SCAF8: variants seen among roughly 807,000 people sequenced by gnomAD.
SCAF8 encodes SR-related CTD associated factor 8, also known as SR-related and CTD-associated factor 8.
A neutral mutation model predicts 140.5 loss-of-function variants in SCAF8; 23 were observed. The ratio of observed to expected loss-of-function variants is 0.16; its 90% confidence interval spans 0.12 to 0.23. The LOEUF is 0.23. SCAF8 is among the 10% of genes least tolerant of loss of function. SCAF8 has a pLI of 1.00. For synonymous variants in SCAF8, 575 were observed against 528.9 expected (o/e 1.09, Z -1.20); for missense variants, 1,397 against 1,555.7 (o/e 0.90, Z 1.72).
chr6:154,754,686 G>A (rs1196209773), intron 1 of SCAF8, among the ~76,000 whole-genome samples: 1 of 152,096 alleles, frequency 6.6e-6, no homozygotes, highest in Non-Finnish European at 1.5e-5. Context: ...TCAAATTTTT[G>A]TGTTGGTTAG....
chr6:154,786,006 G>C (rs1367734466), intron 3 of SCAF8, among the ~76,000 whole-genome samples: 4 of 152,224 alleles, frequency 2.6e-5, no homozygotes. Flanking sequence ...TGCCCAGTGG[G>C]TTCACCTTGC....
chr6:154,823,558 T>C (rs1289876891), intron 16 of SCAF8, among the ~76,000 whole-genome samples: 4 of 152,148 alleles, frequency 2.6e-5, no homozygotes, highest in Admixed American at 2.6e-4. Flanking sequence ...GGGGTTATTA[T>C]GAGCAAAAGC....
chr6:154,833,256 C>T lies in SCAF8; in HGVS notation c.3677C>T (p.Pro1226Leu). Residue 1226 changes from proline to leucine, a missense_variant, in exon 20 of 20, where the codon CCA becomes CTA. Transcript: ENST00000367178. The stretch of plus-strand genomic sequence containing the variant: ...AATACAGAGAGACATGCTCAGCCAC[C>T]ACCTATACCAGTACAGAATGATCCT... ...GENTERHAQP[P>L]PIPVQNDPEL... The T allele has an allele frequency of 2.5e-6, 4 of 1,613,966 alleles. No homozygotes were observed. The highest frequency in any genetic ancestry group is 3.4e-6 in the Non-Finnish European group (4 of 1,179,984).
chr6:154,734,315 A>G (rs1054364593), intron 1 of SCAF8, among the ~76,000 whole-genome samples: 5 of 152,158 alleles, frequency 3.3e-5, no homozygotes, highest in Non-Finnish European at 7.4e-5. Context: ...GACGCTGGAC[A>G]TGACTCTCCA....
intron 6 of SCAF8, among the ~76,000 whole-genome samples, chr6:154,801,230 C>T (rs1200065080): frequency 3.3e-5 from 5 of 151,456 alleles, no homozygotes; most frequent in African/African-American, 1.2e-4. Context: ...ACTTTACTGT[C>T]ATCTTACATA....
chr6:154,816,507 T>G (rs2114664925), intron 13 of SCAF8, among the ~76,000 whole-genome samples: 1 of 102,788 alleles, frequency 9.7e-6, no homozygotes, highest in South Asian at 3.6e-4. Context: ...ATTTAAAAAT[T>G]ACGTGCTGTC....
At chr6:154,752,503 T>C (rs946319709) in intron 1 of SCAF8, among the ~76,000 whole-genome samples, 1 of 152,152 alleles carries the variant, frequency 6.6e-6, no homozygotes, top group Non-Finnish European at 1.5e-5. Flanking sequence ...TTTTTTTTTT[T>C]ATTTAAGAGG....
chr6:154,798,109 A>T (rs1312361441), intron 6 of SCAF8, among the ~76,000 whole-genome samples: 2 of 151,492 alleles, frequency 1.3e-5, no homozygotes, highest in Non-Finnish European at 3.0e-5. Context: ...AGTATACAAG[A>T]CGAGCAAGAA....
At chr6:154,770,388 A>ACACACTCTCTCTCTCTCTCT (rs1384942827) in intron 1 of SCAF8, among the ~76,000 whole-genome samples, 5 of 141,918 alleles carry the variant, frequency 3.5e-5, no homozygotes, top group Admixed American at 7.0e-5. Flanking sequence ...ACACACACAC[A>ACACACTCTCTCTCTCTCTCT]CTCTCTCTCT....
chr6:154,766,669 C>CCT (rs1554258917), intron 1 of SCAF8, among the ~76,000 whole-genome samples: 1,898 of 82,198 alleles, frequency 0.023, 100 homozygotes, highest in African/African-American at 0.09. Flanking sequence ...ACCCCCCCCC[C>CCT]TTTTTTTTTT....
intron 9 of SCAF8, 55 bp downstream of exon 9, chr6:154,805,541 T>C (rs1390880807): frequency 3.0e-6 from 3 of 996,754 alleles, no homozygotes; most frequent in Non-Finnish European, 4.4e-6. Context: ...ATTCTATAAA[T>C]TGGCATTTTT....
intron 12 of SCAF8, among the ~76,000 whole-genome samples, chr6:154,811,973 A>C (rs116817575): frequency 3.2e-4 from 48 of 152,208 alleles, no homozygotes; most frequent in African/African-American, 1.1e-3. Flanking sequence ...AATCTTTGCT[A>C]CTGTGAGTAG....
At chr6:154,781,254 A>G (rs978210796) in intron 3 of SCAF8, among the ~76,000 whole-genome samples, 2 of 152,206 alleles carry the variant, frequency 1.3e-5, no homozygotes, top group Non-Finnish European at 2.9e-5. Context: ...TACAAAGAGA[A>G]TAAAATACCT....
chr6:154,738,208 A>C (rs971274676), intron 1 of SCAF8, among the ~76,000 whole-genome samples: 1 of 151,804 alleles, frequency 6.6e-6, no homozygotes, highest in Admixed American at 6.6e-5. Context: ...AAAAAAAAAA[A>C]AGAAAAGAAA....
chr6:154,771,510 T>G (rs779570955), intron 1 of SCAF8, among the ~76,000 whole-genome samples: 1 of 152,224 alleles, frequency 6.6e-6, no homozygotes, highest in Non-Finnish European at 1.5e-5. Context: ...CAGGTTTTTT[T>G]GTATTTATCC....
intron 1 of SCAF8, among the ~76,000 whole-genome samples, chr6:154,764,156 T>C (rs1306057918): frequency 1.3e-5 from 2 of 152,204 alleles, no homozygotes; most frequent in East Asian, 1.9e-4. Flanking sequence ...AGTGATAGTA[T>C]AGAAACTTAA....
chr6:154,823,385 A>G (rs529752558), intron 16 of SCAF8, among the ~76,000 whole-genome samples: 35 of 152,338 alleles, frequency 2.3e-4, no homozygotes, highest in Admixed American at 3.9e-4. Flanking sequence ...AGACAGTTGT[A>G]GCAATCCAGA....
At chr6:154,827,112 T>C in intron 17 of SCAF8, 60 bp from the exon 18 acceptor site, 1 of 1,352,526 alleles carries the variant, frequency 7.4e-7, no homozygotes, top group South Asian at 1.3e-5. Flanking sequence ...TGTTGGAATC[T>C]TTGATTTAAA....
chr6:154,755,698 G>A (rs1778950361), intron 1 of SCAF8, among the ~76,000 whole-genome samples: 4 of 152,134 alleles, frequency 2.6e-5, no homozygotes, highest in African/African-American at 9.7e-5. Context: ...CTGTAAATAG[G>A]AATATGCTTA....
Sources: gnomAD v4.1 joint callset for allele counts (sites outside exome capture counted in the v4.1 genomes callset) on GRCh38, gnomAD v4.1.1 for gene constraint, MANE v1.5 for transcripts, NCBI Gene and HGNC (gene_info 2026-07-23, HGNC 2026-07-21) for gene names.